DHRSX: variants seen among roughly 807,000 people sequenced by gnomAD.
DHRSX encodes the protein polyprenol dehydrogenase.
Under a neutral mutation model 34.0 loss-of-function variants are expected in DHRSX, and 31 were observed. The ratio of observed to expected loss-of-function variants is 0.91; its 90% confidence interval spans 0.69 to 1.23. The LOEUF (loss-of-function observed/expected upper bound fraction) is 1.23, where lower values mean the gene tolerates loss of function less well. DHRSX is among the 50% of genes most tolerant of loss of function. The pLI is 0.00. For synonymous variants in DHRSX, 201 were observed against 183.8 expected (o/e 1.09, Z -0.76); for missense variants, 414 against 428.1 (o/e 0.97, Z 0.29).
intron 3 of DHRSX, among the ~76,000 whole-genome samples, chrX:2,358,214 G>A (rs886099803): frequency 3.3e-5 from 5 of 152,164 alleles, no homozygotes; most frequent in African/African-American, 9.7e-5. Context: ...AGCGTGAACA[G>A]ACAACCTACA....
Position 2,488,861 on chromosome X carries a change from C to G in DHRSX, c.109+11956G>C, listed in dbSNP as rs143351418. 2.5e-6 allele frequency: 4 copies of G among 1,613,234 alleles called. No homozygotes were observed. The South Asian group carries it at 4.4e-5, about 18-fold the overall frequency. ...CACGTTGGCGGCGGATCCGAAGAGA[C>G]GCTCAGGGGCGACGCGCGTGGCCGT... On this transcript the variant is annotated intron_variant, in intron 1 of 6. Coordinates refer to ENST00000334651, the MANE Select transcript of DHRSX (RefSeq NM_145177.3).
chrX:2,232,554 G>A (rs1044843611), intron 6 of DHRSX, among the ~76,000 whole-genome samples: 1 of 151,930 alleles, frequency 6.6e-6, no homozygotes, highest in Non-Finnish European at 1.5e-5. Context: ...TGGATCTTAG[G>A]AGGCCCAAGA....
At chrX:2,417,158 T>G (rs1435749681) in intron 2 of DHRSX, among the ~76,000 whole-genome samples, 1 of 152,216 alleles carries the variant, frequency 6.6e-6, no homozygotes, top group African/African-American at 2.4e-5. Flanking sequence ...GGTGCAGATG[T>G]GGTGTTTACT....
At chrX:2,243,272 T>C in intron 5 of DHRSX, 42 bp from the exon 6 acceptor site, 1 of 1,572,022 alleles carries the variant, frequency 6.4e-7, no homozygotes, top group Non-Finnish European at 8.7e-7. Context: ...CTGACGGCGT[T>C]CACGCCTAAG....
chrX:2,244,302 C>CCTCTCTCTCTCTCTCTCT (rs780533250), intron 5 of DHRSX, among the ~76,000 whole-genome samples: 14 of 150,534 alleles, frequency 9.3e-5, no homozygotes, highest in African/African-American at 2.7e-4. Flanking sequence ...GAGTAACGTG[C>CCTCTCTCTCTCTCTCTCT]CTCTCTCTCT....
At chrX:2,442,474 A>G (rs113693731) in intron 1 of DHRSX, among the ~76,000 whole-genome samples, 4 of 151,032 alleles carry the variant, frequency 2.6e-5, no homozygotes, top group Non-Finnish European at 5.9e-5. Flanking sequence ...GTGTGTGTGT[A>G]TATATATATA....
intron 1 of DHRSX, among the ~76,000 whole-genome samples, chrX:2,469,921 A>T (rs1569504499): frequency 6.6e-6 from 1 of 152,152 alleles, no homozygotes; most frequent in Non-Finnish European, 1.5e-5. Context: ...AAAGGAAAGG[A>T]AATCAGCCCA....
chrX:2,382,957 T>C (rs1443641344), intron 3 of DHRSX, among the ~76,000 whole-genome samples: 2 of 132,098 alleles, frequency 1.5e-5, no homozygotes, highest in Admixed American at 1.6e-4. Context: ...ATCATTTCTA[T>C]CATCACCATC....
At chrX:2,301,527 G>A (rs949253578) in intron 3 of DHRSX, among the ~76,000 whole-genome samples, 2 of 152,240 alleles carry the variant, frequency 1.3e-5, no homozygotes, top group Non-Finnish European at 2.9e-5. Flanking sequence ...TTATTGCTGC[G>A]TGGAGCAGAG....
chrX:2,334,094 G>A (rs2042518966), intron 3 of DHRSX, among the ~76,000 whole-genome samples: 2 of 151,488 alleles, frequency 1.3e-5, no homozygotes, highest in Non-Finnish European at 1.5e-5. Context: ...TAGAATAATT[G>A]GTATTTCTTT....
chrX:2,305,571 TAA>T (rs2042088451), intron 3 of DHRSX, among the ~76,000 whole-genome samples: 1 of 152,004 alleles, frequency 6.6e-6, no homozygotes, highest in Admixed American at 6.6e-5. Context: ...TTCACAATAT[TAA>T]AGACTTGGAA....
chrX:2,474,599 G>C (rs925847796), intron 1 of DHRSX, among the ~76,000 whole-genome samples: 2 of 151,336 alleles, frequency 1.3e-5, no homozygotes, highest in African/African-American at 4.9e-5. Flanking sequence ...CCCTAAGCTT[G>C]TGGCTAAGGG....
At chrX:2,329,269 C>T (rs1423038758) in intron 3 of DHRSX, among the ~76,000 whole-genome samples, 1 of 152,006 alleles carries the variant, frequency 6.6e-6, no homozygotes, top group Non-Finnish European at 1.5e-5. Context: ...TACTCAAGGG[C>T]CATGGCTCAA....
chrX:2,282,816 G>GAA (rs2041739756), intron 4 of DHRSX, among the ~76,000 whole-genome samples: 13 of 72,594 alleles, frequency 1.8e-4, no homozygotes, highest in Non-Finnish European at 4.3e-4. Flanking sequence ...GAGAGAAAGA[G>GAA]AGAGAGGGAG....
At chrX:2,431,019 T>C (rs2043912474) in intron 1 of DHRSX, among the ~76,000 whole-genome samples, 1 of 129,660 alleles carries the variant, frequency 7.7e-6, no homozygotes. Flanking sequence ...AGCAAGACTG[T>C]CTCAAAACAA....
At chrX:2,451,416 G>T (rs1302501065) in intron 1 of DHRSX, among the ~76,000 whole-genome samples, 1 of 152,088 alleles carries the variant, frequency 6.6e-6, no homozygotes, top group Non-Finnish European at 1.5e-5. Context: ...TAGGATGGGG[G>T]CATCTCCAGA....
At chrX:2,429,306 A>G (rs181096832) in intron 1 of DHRSX, among the ~76,000 whole-genome samples, 1 of 152,110 alleles carries the variant, frequency 6.6e-6, no homozygotes, top group Non-Finnish European at 1.5e-5. Context: ...GTATGTATAC[A>G]TGTGTGTCTG....
At chrX:2,282,930 G>C in intron 4 of DHRSX, among the ~76,000 whole-genome samples, 1 of 151,626 alleles carries the variant, frequency 6.6e-6, no homozygotes, top group Non-Finnish European at 1.5e-5. Flanking sequence ...TAGAAGCGGG[G>C]ATGGGGTAGA....
intron 3 of DHRSX, among the ~76,000 whole-genome samples, chrX:2,344,812 A>G (rs2042680750): frequency 6.7e-6 from 1 of 149,190 alleles, no homozygotes; most frequent in Admixed American, 6.7e-5. Flanking sequence ...ATGTATACCT[A>G]TGTAACAAAC....
Sources: gnomAD v4.1 joint callset for allele counts (sites outside exome capture counted in the v4.1 genomes callset) on GRCh38, gnomAD v4.1.1 for gene constraint, MANE v1.5 for transcripts, NCBI Gene and HGNC (gene_info 2026-07-23, HGNC 2026-07-21) for gene names.